RBMS2: variants seen among roughly 807,000 people sequenced by gnomAD.
The protein encoded by RBMS2 is RNA binding motif single stranded interacting protein 2.
RBMS2 carries 38 observed loss-of-function variants against 58.4 expected under a neutral mutation model. That is an observed-to-expected ratio of 0.65 (90% confidence interval 0.50 to 0.85). The LOEUF (loss-of-function observed/expected upper bound fraction) is 0.85, where lower values mean the gene tolerates loss of function less well. Ranked by LOEUF, RBMS2 falls within the 40% of genes least tolerant of loss-of-function variation. RBMS2 has a pLI of 0.00. For missense variants in RBMS2, 367 were observed against 503.7 expected (o/e 0.73, Z 2.60); for synonymous variants, 151 against 180.7 (o/e 0.84, Z 1.32).
In RBMS2 at chr12:56,573,476, CAAAAAAAAAAAAAAA is replaced by C. The variant is rs71081382; in HGVS notation, c.542+1633_542+1647del. Among the ~76,000 whole-genome samples the C allele has an allele frequency of 1.2e-4, 7 of 59,682 alleles. No homozygotes were observed. The Admixed American group carries it at 1.2e-3, about 11-fold the overall frequency. The allele number at this position is 59,682 out of a possible 152,430, so 39.2% of individuals were successfully genotyped here. A position where few individuals can be genotyped will look rare whatever the true frequency, so the allele number is the denominator to read the frequency against. Reference sequence around the variant, plus strand: ...TGGGCAGCAAAGCGAGACGCCATCTCAAAAAAAAAAAAAAAAAAAAAAAAAAGAAGAAGAAGAAAA... The same window carrying C: ...TGGGCAGCAAAGCGAGACGCCATCTCAAAAAAAAAAAGAAGAAGAAGAAAA... On this transcript the variant is annotated intron_variant, in intron 5 of 13. Coordinates refer to ENST00000262031, the MANE Select transcript of RBMS2 (RefSeq NM_002898.4).
chr12:56,580,531 C>G (rs781629582), intron 5 of RBMS2, among the ~76,000 whole-genome samples: 3 of 152,160 alleles, frequency 2.0e-5, no homozygotes, highest in Non-Finnish European at 4.4e-5. Context: ...CCGCACCCGG[C>G]GGATCAGAGG....
intron 1 of RBMS2, among the ~76,000 whole-genome samples, chr12:56,524,752 C>G (rs1872343354): frequency 6.6e-6 from 1 of 151,958 alleles, no homozygotes; most frequent in Non-Finnish European, 1.5e-5. Context: ...GAGTCTTGCT[C>G]TGTCGCGCCC....
chr12:56,586,993 C>T, intron 10 of RBMS2, 67 bp downstream of exon 10: 1 of 1,475,808 alleles, frequency 6.8e-7, no homozygotes. Flanking sequence ...TGGCTGGGCA[C>T]TGTGGCTCAC....
chr12:56,585,053 C>T (rs1327220971), intron 9 of RBMS2, among the ~76,000 whole-genome samples: 1 of 152,072 alleles, frequency 6.6e-6, no homozygotes, highest in Non-Finnish European at 1.5e-5. Context: ...AAACTCCCAA[C>T]CTCAGGTGAT....
At chr12:56,549,958 G>A (rs764889882) in intron 1 of RBMS2, among the ~76,000 whole-genome samples, 1 of 151,876 alleles carries the variant, frequency 6.6e-6, no homozygotes, top group African/African-American at 2.4e-5. Context: ...CCCAGGAGGC[G>A]GAGGTTACAG....
In RBMS2 at chr12:56,568,988, G is replaced by T. The variant is rs775450277; in HGVS notation, c.247G>T (p.Val83Phe). The T allele has an allele frequency of 2.5e-6, 4 of 1,612,288 alleles. No homozygotes were observed. The highest frequency in any genetic ancestry group is 3.4e-6 in the Non-Finnish European group (4 of 1,178,464). The part of the protein sequence containing the change: ...VKLCQPYGKI[V>F]STKAILDKTT... ...CCTCTCCCTTAGATATGGCAAGATT[G>T]TTTCCACTAAGGCCATACTGGACAA... Residue 83 changes from valine to phenylalanine, a missense_variant, in exon 3 of 14, where the codon GTT becomes TTT. Physicochemically the swap from Val to Phe is conservative, Grantham distance 50. Transcript: ENST00000262031.
At chr12:56,535,913 T>A (rs967511717) in intron 1 of RBMS2, among the ~76,000 whole-genome samples, 1 of 152,048 alleles carries the variant, frequency 6.6e-6, no homozygotes, top group Non-Finnish European at 1.5e-5. Context: ...AGGTTAACGA[T>A]TGTCCTGGTG....
rs1435677668 is a variant in RBMS2, at chr12:56,591,992, C to T, written c.*2859C>T. The T allele has an allele frequency of 6.6e-6, 1 of 152,036 alleles. No individual in the cohort carries two copies. The highest frequency in any genetic ancestry group is 1.5e-5 in the Non-Finnish European group (1 of 68,012). The allele number at this position is 152,036 out of a possible 1,614,324, so 9.4% of individuals were successfully genotyped here. On this transcript the variant is annotated 3_prime_UTR_variant, in exon 14 of 14. Coordinates refer to ENST00000262031, the MANE Select transcript of RBMS2 (RefSeq NM_002898.4). ...GGTGCATTTGGTTTACACTCATTTC[C>T]TCTCCTAATTGTTAGTTCATTTGTA...
At chr12:56,553,656 G>A (rs909477786) in intron 1 of RBMS2, among the ~76,000 whole-genome samples, 3 of 151,874 alleles carry the variant, frequency 2.0e-5, no homozygotes, top group African/African-American at 4.8e-5. Flanking sequence ...TAGTAGAGGC[G>A]AGGTTTTACC....
chr12:56,525,013 C>G (rs535880772), intron 1 of RBMS2, among the ~76,000 whole-genome samples: 3 of 150,470 alleles, frequency 2.0e-5, no homozygotes, highest in Admixed American at 2.0e-4. Flanking sequence ...TGAGCCACTG[C>G]GCCTGGCCCC....
intron 2 of RBMS2, among the ~76,000 whole-genome samples, chr12:56,567,277 C>T (rs748449935): frequency 1.3e-5 from 2 of 151,086 alleles, no homozygotes; most frequent in Admixed American, 6.6e-5. Context: ...CCCAGCTACT[C>T]GGGAGGCTGA....
Position 56,568,906 on chromosome 12 carries a change from G to A in RBMS2, c.234-69G>A, listed in dbSNP as rs375958378. ...GGAAAGGGCATGGATTTGTTGAGAT[G>A]TCTGAATCTCTGTCCTATTCTTAGT... On this transcript the variant is annotated intron_variant, in intron 2 of 13. Coordinates refer to ENST00000262031, the MANE Select transcript of RBMS2 (RefSeq NM_002898.4). 300 of 1,314,462 alleles carry A rather than the reference G, an allele frequency of 2.3e-4. 1 individual carries two copies. Among genetic ancestry groups the A allele is most frequent in the Non-Finnish European group, 3.0e-4 (275 of 916,362 alleles). 81.4% of individuals were successfully genotyped at this position (1,314,462 alleles called of 1,614,324 possible).
chr12:56,534,520 G>A (rs1263965065), intron 1 of RBMS2, among the ~76,000 whole-genome samples: 1 of 152,036 alleles, frequency 6.6e-6, no homozygotes, highest in Non-Finnish European at 1.5e-5. Flanking sequence ...TCCATTTTTT[G>A]ATAATGTCAG....
chr12:56,574,024 A>G (rs753696033), intron 5 of RBMS2, among the ~76,000 whole-genome samples: 7 of 152,094 alleles, frequency 4.6e-5, no homozygotes, highest in Non-Finnish European at 7.4e-5. Flanking sequence ...TATTTTTAGT[A>G]AAGATGTGGT....
At chr12:56,548,988 A>G (rs890559029) in intron 1 of RBMS2, among the ~76,000 whole-genome samples, 4 of 152,078 alleles carry the variant, frequency 2.6e-5, no homozygotes, top group Non-Finnish European at 5.9e-5. Context: ...CTTAATTTTC[A>G]GAAATGCAAC....
intron 1 of RBMS2, among the ~76,000 whole-genome samples, chr12:56,558,341 CCT>C (rs956017138): frequency 2.8e-4 from 2 of 7,076 alleles, no homozygotes; most frequent in African/African-American, 4.0e-4. Flanking sequence ...CCACCAGCTG[CCT>C]CTCTTCAATT....
At chr12:56,570,668 C>T (rs569547508) in intron 4 of RBMS2, among the ~76,000 whole-genome samples, 9 of 152,254 alleles carry the variant, frequency 5.9e-5, no homozygotes, top group Non-Finnish European at 1.3e-4. Context: ...AGCTGCACCT[C>T]CCGGCTTCAC....
Position 56,581,490 on chromosome 12 carries a change from G to A in RBMS2, c.714G>A (p.Trp238Ter). The A allele has an allele frequency of 6.2e-7, 1 of 1,614,166 alleles. No individual in the cohort carries two copies. Among genetic ancestry groups the A allele is most frequent in the Non-Finnish European group, 8.5e-7 (1 of 1,179,990 alleles). Residue 238 changes from tryptophan (W) to a stop codon, truncating the protein, a stop_gained, in exon 7 of 14, where the codon TGG becomes TGA. Transcript: ENST00000262031. LOFTEE classifies it high-confidence loss of function. ...AATTTGTGCAAAATGGACGGGCTTGGCCAAGGAATGCAGACATGGTAAGAG... is the reference window on the plus strand; with the variant it reads ...AATTTGTGCAAAATGGACGGGCTTGACCAAGGAATGCAGACATGGTAAGAG... ...QGKFVQNGRA[W>*]PRNADMGVMA...
rs375004159 is a variant in RBMS2, at chr12:56,581,161, C to T, written c.543-23C>T. ...GCACAGATCCTGGAGAAGCTAGAGC[C>T]TAACCCCTCTTATGCTCCTTAGGAT... On this transcript the variant is annotated intron_variant, in intron 5 of 13. Transcript: ENST00000262031. The T allele has an allele frequency of 7.7e-6, 12 of 1,550,744 alleles. No individual in the cohort carries two copies. The African/African-American group carries it at 1.5e-4, about 19-fold the overall frequency.
Sources: allele counts gnomAD v4.1 joint callset (sites outside exome capture counted in the v4.1 genomes callset), GRCh38; gene constraint gnomAD v4.1.1; transcripts MANE v1.5; gene names NCBI Gene and HGNC (gene_info 2026-07-23, HGNC 2026-07-21).